CTTNBP2: variants seen among roughly 807,000 people sequenced by gnomAD.
The protein encoded by CTTNBP2 is cortactin-binding protein 2.
In CTTNBP2, 108 loss-of-function variants were observed where a neutral mutation model predicts 156.9. The observed-to-expected ratio is 0.69, with a 90% confidence interval of 0.59 to 0.81. The LOEUF (loss-of-function observed/expected upper bound fraction) is 0.81. CTTNBP2 is among the 30% of genes least tolerant of loss of function. The probability of loss-of-function intolerance (pLI) is 0.00; values close to 1 mark genes in which losing one functional copy is unlikely to be tolerated. For synonymous variants in CTTNBP2, 767 were observed against 751.8 expected (o/e 1.02, Z -0.33); for missense variants, 1,924 against 2,035.4 (o/e 0.95, Z 1.05).
At chr7:117,811,808 A>C (rs1800295917) in intron 2 of CTTNBP2, among the ~76,000 whole-genome samples, 1 of 150,884 alleles carries the variant, frequency 6.6e-6, no homozygotes, top group Non-Finnish European at 1.5e-5. Flanking sequence ...GAAATTTTTA[A>C]TGTAAAAATT....
At position 117,817,339 on chromosome 7, in the gene CTTNBP2, A is replaced by T. The variant is rs1262077818; in HGVS notation, c.190-6350T>A. Among the ~76,000 whole-genome samples the T allele has an allele frequency of 9.5e-3, 379 of 39,966 alleles. 8 individuals carry two copies. The highest frequency in any genetic ancestry group is 0.013 in the Non-Finnish European group (288 of 22,448). 26.2% of individuals were successfully genotyped at this position (39,966 alleles called of 152,430 possible). A position where few individuals can be genotyped will look rare whatever the true frequency, so the allele number is the denominator to read the frequency against. On this transcript the variant is annotated intron_variant, in intron 2 of 22. Transcript: ENST00000160373. ...ACAGAGCAAGACTCCATCTCAAAAA[A>T]AAAAAAAAAAAAAAAAAAAAAAATA... is the stretch of plus-strand genomic sequence containing the variant.
intron 9 of CTTNBP2, among the ~76,000 whole-genome samples, chr7:117,763,794 C>G (rs1797336578): frequency 6.6e-6 from 1 of 151,894 alleles, no homozygotes; most frequent in Non-Finnish European, 1.5e-5. Context: ...TGGTCTTGAA[C>G]TCCTGGGCTC....
intron 4 of CTTNBP2, among the ~76,000 whole-genome samples, chr7:117,787,243 C>T (rs530486621): frequency 1.3e-5 from 2 of 152,288 alleles, no homozygotes; most frequent in African/African-American, 2.4e-5. Context: ...CATACAGCTA[C>T]TCTAATGATG....
At chr7:117,870,444 G>A (rs953266126) in intron 1 of CTTNBP2, among the ~76,000 whole-genome samples, 1 of 152,200 alleles carries the variant, frequency 6.6e-6, no homozygotes, top group African/African-American at 2.4e-5. Flanking sequence ...TTCAAGTTCA[G>A]CTGTTAATTT....
chr7:117,864,645 T>TAC (rs879705401), intron 1 of CTTNBP2, among the ~76,000 whole-genome samples: 1,811 of 148,100 alleles, frequency 0.012, 14 homozygotes, highest in Non-Finnish European at 0.019. Flanking sequence ...TATATATTCA[T>TAC]ATATCTAGAT....
intron 1 of CTTNBP2, among the ~76,000 whole-genome samples, chr7:117,866,354 G>A (rs761634481): frequency 1.3e-5 from 2 of 152,138 alleles, no homozygotes; most frequent in Non-Finnish European, 2.9e-5. Context: ...AATGCCTTCA[G>A]GAGACATTAT....
intron 16 of CTTNBP2, among the ~76,000 whole-genome samples, chr7:117,733,723 T>G (rs1321808273): frequency 1.3e-5 from 2 of 152,178 alleles, no homozygotes; most frequent in African/African-American, 4.8e-5. Flanking sequence ...TAATTACCAG[T>G]GGCAGACACT....
intron 8 of CTTNBP2, among the ~76,000 whole-genome samples, chr7:117,768,239 C>T (rs2116703573): frequency 6.6e-6 from 1 of 152,144 alleles, no homozygotes; most frequent in South Asian, 2.1e-4. Flanking sequence ...ATACCTATTT[C>T]CTTCCTAATA....
At chr7:117,847,765 G>T (rs1177374216) in intron 2 of CTTNBP2, among the ~76,000 whole-genome samples, 1 of 110,748 alleles carries the variant, frequency 9.0e-6, no homozygotes, top group African/African-American at 3.5e-5. Context: ...GCACTGATAT[G>T]TTTTCCATGC....
At chr7:117,720,732 T>C (rs1272874339) in intron 20 of CTTNBP2, among the ~76,000 whole-genome samples, 3 of 152,166 alleles carry the variant, frequency 2.0e-5, no homozygotes, top group Non-Finnish European at 4.4e-5. Flanking sequence ...TGTAAATCTG[T>C]GGAAAAGTCA....
chr7:117,869,021 G>A (rs1048648904), intron 1 of CTTNBP2, among the ~76,000 whole-genome samples: 9 of 152,098 alleles, frequency 5.9e-5, no homozygotes. Flanking sequence ...ACCCCAATGG[G>A]TGATGTGGCC....
chr7:117,839,844 T>C (rs999400416), intron 2 of CTTNBP2, among the ~76,000 whole-genome samples: 3 of 152,212 alleles, frequency 2.0e-5, no homozygotes, highest in African/African-American at 7.2e-5. Context: ...TAAAATAGTT[T>C]TAAAGTAGGC....
chr7:117,754,718 A>C (rs1391785542), intron 12 of CTTNBP2, among the ~76,000 whole-genome samples: 1 of 152,260 alleles, frequency 6.6e-6, no homozygotes, highest in African/African-American at 2.4e-5. Context: ...GTTGGATTAA[A>C]GAAGTCTTTT....
intron 2 of CTTNBP2, among the ~76,000 whole-genome samples, chr7:117,822,152 C>T (rs547593241): frequency 6.6e-6 from 1 of 152,128 alleles, no homozygotes; most frequent in South Asian, 2.1e-4. Context: ...AAGAAATTTG[C>T]CTATTTATCT....
intron 2 of CTTNBP2, among the ~76,000 whole-genome samples, chr7:117,820,961 T>C (rs1800927056): frequency 6.6e-6 from 1 of 152,160 alleles, no homozygotes; most frequent in African/African-American, 2.4e-5. Context: ...TTGTTTTGAA[T>C]ATATTTTGTT....
intron 2 of CTTNBP2, among the ~76,000 whole-genome samples, chr7:117,842,196 G>T (rs887375781): frequency 2.0e-5 from 3 of 152,048 alleles, no homozygotes; most frequent in Non-Finnish European, 4.4e-5. Context: ...AACTAAAACT[G>T]CTCCGAAAAA....
intron 2 of CTTNBP2, among the ~76,000 whole-genome samples, chr7:117,815,593 A>G (rs1375249148): frequency 6.6e-6 from 1 of 152,150 alleles, no homozygotes; most frequent in Non-Finnish European, 1.5e-5. Flanking sequence ...CAGGCTCCCC[A>G]CTATTAGGAT....
intron 16 of CTTNBP2, among the ~76,000 whole-genome samples, chr7:117,734,464 A>G (rs1159305660): frequency 6.6e-6 from 1 of 152,218 alleles, no homozygotes; most frequent in Admixed American, 6.5e-5. Flanking sequence ...GAAAGTCACT[A>G]AAAGTTATTA....
intron 5 of CTTNBP2, among the ~76,000 whole-genome samples, chr7:117,783,510 A>G (rs1035605068): frequency 6.6e-6 from 1 of 152,192 alleles, no homozygotes; most frequent in Non-Finnish European, 1.5e-5. Flanking sequence ...TATCACCTAG[A>G]TGTCACATTC....
Sources: gnomAD v4.1 joint callset for allele counts (sites outside exome capture counted in the v4.1 genomes callset) on GRCh38, gnomAD v4.1.1 for gene constraint, MANE v1.5 for transcripts, NCBI Gene and HGNC (gene_info 2026-07-23, HGNC 2026-07-21) for gene names.